The following ZFP82 variants were observed in gnomAD, a reference collection of about 807,000 sequenced individuals.
The protein encoded by ZFP82 is zinc finger protein 82 homolog.
Under a neutral mutation model 54.0 loss-of-function variants are expected in ZFP82, and 30 were observed. The ratio of observed to expected loss-of-function variants is 0.56; its 90% CI spans 0.42 to 0.75. The LOEUF (loss-of-function observed/expected upper bound fraction) is 0.75. ZFP82 is among the 30% of genes least tolerant of loss of function. The pLI is 0.00. For missense variants in ZFP82, 500 were observed against 636.8 expected (o/e 0.79, Z 2.31); for synonymous variants, 194 against 209.5 (o/e 0.93, Z 0.64).
At chr19:36,402,696 T>C (rs2032408442) in intron 4 of ZFP82, among the ~76,000 whole-genome samples, 1 of 152,022 alleles carries the variant, frequency 6.6e-6, no homozygotes. Context: ...AATAAAAACA[T>C]TTTTAAAGAC....
chr19:36,401,079 T>G (rs2032376351), intron 4 of ZFP82, among the ~76,000 whole-genome samples: 1 of 152,048 alleles, frequency 6.6e-6, no homozygotes, highest in Non-Finnish European at 1.5e-5. Flanking sequence ...TTTTTTTAAT[T>G]TTTTTAGTGG....
chr19:36,409,476 C>T (rs888882805), intron 2 of ZFP82, among the ~76,000 whole-genome samples: 4 of 152,108 alleles, frequency 2.6e-5, no homozygotes, highest in African/African-American at 9.7e-5. Flanking sequence ...GTTCAGTTTT[C>T]CTATGAGTGG....
At chr19:36,403,630 A>AAC (rs890063323) in intron 4 of ZFP82, among the ~76,000 whole-genome samples, 1 of 151,476 alleles carries the variant, frequency 6.6e-6, no homozygotes, top group Non-Finnish European at 1.5e-5. Context: ...AAGAAAAAAA[A>AAC]AAAAAAAAAC....
chr19:36,406,617 C>T (rs2145593399), intron 3 of ZFP82, among the ~76,000 whole-genome samples: 1 of 152,280 alleles, frequency 6.6e-6, no homozygotes, highest in South Asian at 2.1e-4. Flanking sequence ...GACTATGCCA[C>T]ATTTTATTTA....
chr19:36,394,270 G>A, intron 4 of ZFP82, 160 bp from the exon 5 acceptor site: 3 of 661,678 alleles, frequency 4.5e-6, no homozygotes, highest in Non-Finnish European at 2.5e-6. Flanking sequence ...GGGAACATCA[G>A]GAAAAATGAG....
chr19:36,414,212 A>G (rs924802535), intron 1 of ZFP82, among the ~76,000 whole-genome samples: 1 of 151,712 alleles, frequency 6.6e-6, no homozygotes, highest in Non-Finnish European at 1.5e-5. Flanking sequence ...ATAATTTTCA[A>G]TTTAAAAATT....
At chr19:36,410,010 G>C in intron 1 of ZFP82, 143 bp from the exon 2 acceptor site, 1 of 261,500 alleles carries the variant, frequency 3.8e-6, no homozygotes, top group Admixed American at 5.1e-5. Context: ...CACATAGGCA[G>C]AGAGAGAGAG....
chr19:36,386,232 T>C (rs1486368546), downstream of ZFP82, among the ~76,000 whole-genome samples: 2 of 152,268 alleles, frequency 1.3e-5, no homozygotes, highest in East Asian at 3.8e-4. Context: ...CATTGGTTCC[T>C]GCTGGCTCAG....
intron 1 of ZFP82, among the ~76,000 whole-genome samples, chr19:36,411,604 T>C (rs536347292): frequency 1.3e-5 from 2 of 152,288 alleles, no homozygotes; most frequent in South Asian, 4.1e-4. Context: ...TATGTTGACC[T>C]TGTTCATAAT....
At chr19:36,401,907 C>G (rs1276267928) in intron 4 of ZFP82, among the ~76,000 whole-genome samples, 1 of 152,164 alleles carries the variant, frequency 6.6e-6, no homozygotes, top group Non-Finnish European at 1.5e-5. Context: ...TGTCTCTTCT[C>G]AAATATCACC....
chr19:36,392,910 G>A lies in ZFP82; in HGVS notation c.1430C>T (p.Pro477Leu), dbSNP rs1211149164. The A allele has an allele frequency of 1.1e-5, 17 of 1,613,686 alleles. No homozygotes were observed. Among genetic ancestry groups the A allele is most frequent in the Non-Finnish European group, 1.4e-5 (17 of 1,179,888 alleles). The change falls in exon 5 of 5, where the codon CCC (proline) becomes CTC (leucine). Residue 477 changes from proline to leucine, a missense_variant. Physicochemically the swap from Pro to Leu is moderately conservative, Grantham distance 98 (BLOSUM62 -3). Transcript: ENST00000392161. Reference sequence around the variant, plus strand: ...CTTCCTACATTCCTTACACTCAAAGGGTTTTTCGCCAGTATGAATGCTCTG... The same window carrying A: ...CTTCCTACATTCCTTACACTCAAAGAGTTTTTCGCCAGTATGAATGCTCTG... ...LHQSIHTGEK[P>L]FECKECRKAF...
intron 1 of ZFP82, among the ~76,000 whole-genome samples, chr19:36,412,076 C>G (rs200943773): frequency 1.6e-3 from 152 of 93,428 alleles, no homozygotes; most frequent in African/African-American, 5.4e-3. Flanking sequence ...GTGAGAGAAA[C>G]AGAGAGAGAG....
downstream of ZFP82, among the ~76,000 whole-genome samples, chr19:36,388,356 G>A (rs1199513867): frequency 6.6e-6 from 1 of 151,650 alleles, no homozygotes; most frequent in Admixed American, 6.6e-5. Context: ...GTAAAATTTT[G>A]TTATGGGTTA....
At chr19:36,385,249 T>C (rs927356008), downstream of ZFP82, among the ~76,000 whole-genome samples, 5 of 152,158 alleles carry the variant, frequency 3.3e-5, no homozygotes, top group Non-Finnish European at 5.9e-5. Flanking sequence ...TCTCACCCCC[T>C]TTGCCCTTCC....
rs12975337 is a variant in ZFP82, at chr19:36,389,185, G to A, written c.*3556C>T. 0.047 allele frequency among the ~76,000 whole-genome samples: 7,109 copies of A among 151,798 alleles called. 222 individuals are homozygous for A. The highest frequency in any genetic ancestry group is 0.066 in the Non-Finnish European group (4,473 of 67,954). On this transcript the variant is annotated 3_prime_UTR_variant, in exon 5 of 5. Coordinates refer to ENST00000392161, the MANE Select transcript of ZFP82 (RefSeq NM_133466.4). ...CTCCCGAGTAGCTGGGACTACAGGC[G>A]TGCCACCATGTCCAGCTAATTTTTG...
At chr19:36,383,736 T>C (rs1353419054), downstream of ZFP82, 2 of 152,196 alleles carry the variant, frequency 1.3e-5, no homozygotes, top group Admixed American at 6.5e-5. Flanking sequence ...TATCCACATT[T>C]AACGTATTCA....
chr19:36,413,042 A>T lies in ZFP82; in HGVS notation c.-78-3175T>A, dbSNP rs112100462. ...AAATGTCTCATAATTCAACCCAGAA[A>T]TTCCACTTTTAGGAATTTATCGTTA... On this transcript the variant is annotated intron_variant, in intron 1 of 4. Coordinates refer to ENST00000392161, the MANE Select transcript of ZFP82 (RefSeq NM_133466.4). Among the ~76,000 whole-genome samples the T allele has an allele frequency of 6.8e-3, 1,038 of 152,346 alleles. 20 individuals are homozygous for T. The highest frequency in any genetic ancestry group is 0.024 in the African/African-American group (987 of 41,572).
At position 36,393,947 on chromosome 19, in the gene ZFP82, C is replaced by A. The variant is rs1184382677; in HGVS notation, c.393G>T (p.Glu131Asp). The A allele has an allele frequency of 6.2e-7, 1 of 1,614,052 alleles. No homozygotes were observed. The highest frequency in any genetic ancestry group is 1.7e-5 in the Admixed American group (1 of 60,006). The change falls in exon 5 of 5, where the codon GAG (glutamate) becomes GAT (aspartate). Residue 131 changes from glutamate to aspartate, a missense_variant. Glu to Asp is a conservative substitution (Grantham distance 45, BLOSUM62 2). Transcript: ENST00000392161. ...WESTGKIEGQ[E>D]RPQEGYFSSV... The stretch of plus-strand genomic sequence containing the variant: ...TACTGAAGTATCCTTCTTGAGGTCT[C>A]TCCTGTCCTTCAATTTTTCCTGTGG...
chr19:36,408,128 C>T, intron 2 of ZFP82, 115 bp from the exon 3 acceptor site: 2 of 1,235,642 alleles, frequency 1.6e-6, no homozygotes, highest in Non-Finnish European at 2.2e-6. Flanking sequence ...AGAAAACAGG[C>T]TTGGGCTGGA....
Sources: allele counts gnomAD v4.1 joint callset (sites outside exome capture counted in the v4.1 genomes callset), GRCh38; gene constraint gnomAD v4.1.1; transcripts MANE v1.5; gene names NCBI Gene and HGNC (gene_info 2026-07-23, HGNC 2026-07-21).